Variants in DPP10 observed in about 807,000 individuals in gnomAD.
DPP10 encodes dipeptidyl peptidase like 10.
In DPP10, 33 loss-of-function variants were observed where a neutral mutation model predicts 120.9. The ratio of observed to expected loss-of-function variants is 0.27; its 90% CI spans 0.21 to 0.37. The LOEUF (loss-of-function observed/expected upper bound fraction) is 0.37, where lower values mean the gene tolerates loss of function less well. Ranked by LOEUF, DPP10 falls within the 10% of genes least tolerant of loss-of-function variation. The pLI is 1.00. For missense variants in DPP10, 816 were observed against 942.8 expected, an observed-to-expected ratio of 0.87 and a Z score of 1.76; for synonymous variants, 337 against 326.1, an observed-to-expected ratio of 1.03 and a Z score of -0.36.
intron 15 of DPP10, among the ~76,000 whole-genome samples, chr2:115,779,362 G>C (rs1682484289): frequency 6.6e-6 from 1 of 152,032 alleles, no homozygotes. Context: ...GATAATGTTA[G>C]TGTTTGACCC....
At chr2:115,663,735 G>A (rs2089207345) in intron 5 of DPP10, among the ~76,000 whole-genome samples, 2 of 152,202 alleles carry the variant, frequency 1.3e-5, no homozygotes, top group Non-Finnish European at 1.5e-5. Flanking sequence ...GGTGGCTCAC[G>A]CCTGTAATCC....
At chr2:114,746,623 G>A (rs1049664050) in intron 1 of DPP10, among the ~76,000 whole-genome samples, 2 of 152,168 alleles carry the variant, frequency 1.3e-5, no homozygotes, top group African/African-American at 4.8e-5. Flanking sequence ...ATGGAACATA[G>A]GGCTATGAAA....
intron 5 of DPP10, among the ~76,000 whole-genome samples, chr2:115,540,867 A>G (rs1184653515): frequency 6.6e-6 from 1 of 151,920 alleles, no homozygotes; most frequent in Non-Finnish European, 1.5e-5. Flanking sequence ...ATGCCTGTAT[A>G]GTAACACATT....
chr2:114,640,429 A>G (rs532599137), intron 1 of DPP10, among the ~76,000 whole-genome samples: 5 of 152,000 alleles, frequency 3.3e-5, no homozygotes, highest in African/African-American at 1.2e-4. Flanking sequence ...CTAAATATCT[A>G]CTTGTATAGG....
chr2:115,271,528 A>G (rs2059699854), intron 1 of DPP10, among the ~76,000 whole-genome samples: 1 of 152,070 alleles, frequency 6.6e-6, no homozygotes, highest in African/African-American at 2.4e-5. Flanking sequence ...CAGAAATGTG[A>G]CAAGCTTCAA....
At chr2:115,677,017 T>C (rs2090319560) in intron 5 of DPP10, among the ~76,000 whole-genome samples, 1 of 152,142 alleles carries the variant, frequency 6.6e-6, no homozygotes, top group African/African-American at 2.4e-5. Context: ...CAGGAAATAA[T>C]ATGATAATAT....
At chr2:115,422,962 C>A (rs755332894) in intron 3 of DPP10, among the ~76,000 whole-genome samples, 50 of 152,092 alleles carry the variant, frequency 3.3e-4, no homozygotes, top group Non-Finnish European at 5.4e-4. Flanking sequence ...ATTATCTTAG[C>A]TGCATTTTCT....
In DPP10 at chr2:115,782,380, T is replaced by C; in HGVS notation, c.1512T>C (p.His504=). 5 of 1,612,572 alleles carry C rather than the reference T, an allele frequency of 3.1e-6. No individual in the cohort carries two copies. Among genetic ancestry groups the C allele is most frequent in the Non-Finnish European group, 4.2e-6 (5 of 1,178,748 alleles). The part of the protein sequence containing the change: ...EGPRVPVVSL[H]STDNPAKYFI... ...CAAGGGTCCCAGTGGTCAGCCTACA[T>C]AGTACGGACAACCCAGCAAGTGAGT... Residue 504 remains histidine (H), a synonymous_variant, in exon 17 of 26, where the codon CAT becomes CAC. Transcript: ENST00000410059.
intron 1 of DPP10, among the ~76,000 whole-genome samples, chr2:115,168,988 T>G (rs2053111252): frequency 6.6e-6 from 1 of 152,162 alleles, no homozygotes; most frequent in Non-Finnish European, 1.5e-5. Context: ...TAAAAAAAAT[T>G]TTTTTCTAAG....
chr2:114,588,618 A>G (rs1032049909), intron 1 of DPP10, among the ~76,000 whole-genome samples: 4 of 152,234 alleles, frequency 2.6e-5, no homozygotes, highest in Non-Finnish European at 5.9e-5. Context: ...TATGTATACC[A>G]TAAATATGTA....
In DPP10 at chr2:115,324,390, T is replaced by G. The variant is rs75127604; in HGVS notation, c.175+15037T>G. ...ATCAACGATCCTAGCTACATCTTCT[T>G]GATAACTGGCTGTAGTTTCTACATG... On this transcript the variant is annotated intron_variant, in intron 2 of 25. Coordinates refer to ENST00000410059, the MANE Select transcript of DPP10 (RefSeq NM_020868.6). Among the ~76,000 whole-genome samples the G allele has an allele frequency of 6.6e-5, 10 of 152,338 alleles. No individual in the cohort carries two copies. The East Asian group carries it at 1.9e-3, about 29-fold the overall frequency.
At chr2:115,127,535 TG>T (rs1180564958) in intron 1 of DPP10, among the ~76,000 whole-genome samples, 1 of 152,218 alleles carries the variant, frequency 6.6e-6, no homozygotes, top group Non-Finnish European at 1.5e-5. Flanking sequence ...AAATATATTT[TG>T]TAAATATCTG....
intron 1 of DPP10, among the ~76,000 whole-genome samples, chr2:114,670,245 C>T (rs1698230917): frequency 6.6e-6 from 1 of 152,056 alleles, no homozygotes; most frequent in Non-Finnish European, 1.5e-5. Flanking sequence ...GCACTATTCA[C>T]AATAGCAAAG....
chr2:115,057,458 CT>C (rs1460112598), intron 1 of DPP10, among the ~76,000 whole-genome samples: 18 of 152,146 alleles, frequency 1.2e-4, no homozygotes, highest in African/African-American at 3.9e-4. Context: ...TCCAGCAGCC[CT>C]ATGAAAGTAG....
Position 114,992,107 on chromosome 2 carries a change from G to A in DPP10, c.61-317132G>A, listed in dbSNP as rs528189696. Among the ~76,000 whole-genome samples the A allele has an allele frequency of 2.0e-5, 3 of 152,260 alleles. No individual in the cohort carries two copies. The South Asian group carries it at 6.2e-4, about 32-fold the overall frequency. On this transcript the variant is annotated intron_variant, in intron 1 of 25. Transcript: ENST00000410059. ...TTTTACCGTATGCAAAAAATTTACA[G>A]AGCATGCATATGCTTGCAAATAATT...
chr2:115,224,661 A>T (rs1410334864), intron 1 of DPP10, among the ~76,000 whole-genome samples: 1 of 152,210 alleles, frequency 6.6e-6, no homozygotes, highest in African/African-American at 2.4e-5. Context: ...ACTAACAGTA[A>T]TTTTTAAGTG....
At chr2:114,680,383 AT>A (rs1698950428) in intron 1 of DPP10, among the ~76,000 whole-genome samples, 1 of 151,866 alleles carries the variant, frequency 6.6e-6, no homozygotes, top group African/African-American at 2.4e-5. Flanking sequence ...TGGGTCCTGT[AT>A]TTTTTTAAGA....
At chr2:115,789,170 C>G (rs1468257673) in intron 17 of DPP10, among the ~76,000 whole-genome samples, 1 of 151,758 alleles carries the variant, frequency 6.6e-6, no homozygotes, top group African/African-American at 2.4e-5. Flanking sequence ...ATTCCAAATC[C>G]AGACATATAT....
At chr2:114,465,466 G>C (rs1241787181) in intron 1 of DPP10, among the ~76,000 whole-genome samples, 1 of 151,924 alleles carries the variant, frequency 6.6e-6, no homozygotes, top group East Asian at 1.9e-4. Flanking sequence ...TCATCCTATT[G>C]ATACAATTTC....
Sources: gnomAD v4.1 joint callset for allele counts (sites outside exome capture counted in the v4.1 genomes callset) on GRCh38, gnomAD v4.1.1 for gene constraint, MANE v1.5 for transcripts, NCBI Gene and HGNC (gene_info 2026-07-23, HGNC 2026-07-21) for gene names.